The following MSI2 variants were observed in gnomAD, a reference collection of about 807,000 sequenced individuals.
The protein encoded by MSI2 is musashi RNA binding protein 2.
In MSI2, 17 loss-of-function variants were observed where a neutral mutation model predicts 45.6. The observed-to-expected ratio is 0.37, with a 90% CI of 0.26 to 0.56. The LOEUF is 0.56. Ranked by LOEUF, MSI2 falls within the 20% of genes least tolerant of loss-of-function variation. The probability of loss-of-function intolerance (pLI) is 0.77; values close to 1 mark genes in which losing one functional copy is unlikely to be tolerated. For missense variants in MSI2, 293 were observed against 444.2 expected (o/e 0.66, Z 3.06); for synonymous variants, 156 against 158.2 (o/e 0.99, Z 0.11).
intron 5 of MSI2, chr17:57,278,226 T>A (rs1191010883): frequency 1.3e-5 from 2 of 152,348 alleles, no homozygotes; most frequent in African/African-American, 2.4e-5. Flanking sequence ...AAAGAAAACA[T>A]TTGAGCTCCA....
At chr17:57,352,844 G>GCCT (rs1303991669) in intron 5 of MSI2, among the ~76,000 whole-genome samples, 1 of 152,200 alleles carries the variant, frequency 6.6e-6, no homozygotes, top group African/African-American at 2.4e-5. Context: ...GCTCCTCCTA[G>GCCT]CCTCCTCCTC....
Position 57,281,552 on chromosome 17 carries a change from A to G in MSI2, c.312+19360A>G, listed in dbSNP as rs185823555. ...GGGTTCTCGGGGCTAATTCTGTTCC[A>G]GCTCGCTCTGTTTAGCTCTTTCTTC... On this transcript the variant is annotated intron_variant, in intron 5 of 13. Transcript: ENST00000284073. Among the ~76,000 whole-genome samples, 227 of 152,254 alleles carry G rather than the reference A, an allele frequency of 1.5e-3. 2 individuals are homozygous for G. Among genetic ancestry groups the G allele is most frequent in the Admixed American group, 9.5e-3 (146 of 15,298 alleles).
chr17:57,605,510 C>T (rs560704791), intron 8 of MSI2, among the ~76,000 whole-genome samples: 83 of 152,204 alleles, frequency 5.5e-4, no homozygotes, highest in African/African-American at 1.9e-3. Context: ...CCAGCGTCCC[C>T]GTACTCCACC....
chr17:57,450,849 T>G (rs1343564506), intron 6 of MSI2, among the ~76,000 whole-genome samples: 1 of 152,092 alleles, frequency 6.6e-6, no homozygotes, highest in African/African-American at 2.4e-5. Context: ...TAATATAGTC[T>G]TGTTTTCTCA....
At chr17:57,335,735 G>A (rs1471146387) in intron 5 of MSI2, among the ~76,000 whole-genome samples, 2 of 152,168 alleles carry the variant, frequency 1.3e-5, no homozygotes, top group Non-Finnish European at 2.9e-5. Context: ...GGTGAAACGG[G>A]GAGTGTTATT....
At chr17:57,401,930 T>C (rs1465883763) in intron 6 of MSI2, among the ~76,000 whole-genome samples, 1 of 152,122 alleles carries the variant, frequency 6.6e-6, no homozygotes, top group Non-Finnish European at 1.5e-5. Flanking sequence ...CCCTGTCAAA[T>C]GCCCAAGGAG....
At chr17:57,456,902 G>T (rs1192196970) in intron 6 of MSI2, among the ~76,000 whole-genome samples, 1 of 152,146 alleles carries the variant, frequency 6.6e-6, no homozygotes, top group Non-Finnish European at 1.5e-5. Context: ...TGGGAGCAAG[G>T]CGTATTTTCC....
At chr17:57,315,455 C>G (rs1912781581) in intron 5 of MSI2, among the ~76,000 whole-genome samples, 1 of 151,902 alleles carries the variant, frequency 6.6e-6, no homozygotes, top group Admixed American at 6.6e-5. Flanking sequence ...TTGGGGGAGG[C>G]AGGGCAGATA....
At chr17:57,626,743 C>T (rs1271342040) in intron 9 of MSI2, 2 of 161,836 alleles carry the variant, frequency 1.2e-5, no homozygotes, top group Non-Finnish European at 2.7e-5. Context: ...CCAGCGTTTT[C>T]CAGAGGCCCA....
chr17:57,572,326 G>A (rs149168812), intron 7 of MSI2, among the ~76,000 whole-genome samples: 3 of 152,350 alleles, frequency 2.0e-5, no homozygotes, highest in African/African-American at 7.2e-5. Context: ...ATGGTATTTG[G>A]CAGCAGCAAC....
intron 9 of MSI2, among the ~76,000 whole-genome samples, chr17:57,622,371 T>C (rs1055975223): frequency 6.6e-6 from 1 of 152,260 alleles, no homozygotes; most frequent in Non-Finnish European, 1.5e-5. Context: ...ATATATTTTA[T>C]TTCTCTGAGC....
chr17:57,285,871 A>G, intron 5 of MSI2: 2 of 1,519,856 alleles, frequency 1.3e-6, no homozygotes, highest in Non-Finnish European at 1.8e-6. Context: ...TGATTTTCCG[A>G]ACAGGTGTTT....
At chr17:57,388,611 G>A (rs1468479517) in intron 5 of MSI2, among the ~76,000 whole-genome samples, 4 of 152,154 alleles carry the variant, frequency 2.6e-5, no homozygotes, top group African/African-American at 7.2e-5. Flanking sequence ...ACATCTAAGT[G>A]TTAAGATCAC....
chr17:57,298,688 G>A (rs145976147), intron 5 of MSI2, among the ~76,000 whole-genome samples: 4 of 152,168 alleles, frequency 2.6e-5, no homozygotes, highest in Admixed American at 2.6e-4. Flanking sequence ...CTATCATCCA[G>A]GCTTTGTTGT....
intron 6 of MSI2, among the ~76,000 whole-genome samples, chr17:57,467,801 C>T (rs1362638548): frequency 3.9e-5 from 6 of 151,992 alleles, no homozygotes; most frequent in Non-Finnish European, 8.8e-5. Context: ...AGGCCATTCT[C>T]ATAGCACCCT....
the MSI2 span, among the ~76,000 whole-genome samples, chr17:57,694,765 A>G: frequency 6.6e-6 from 1 of 152,168 alleles, no homozygotes; most frequent in East Asian, 1.9e-4. Context: ...TTTTTGGTTT[A>G]ACCAGACTTA....
the MSI2 span, among the ~76,000 whole-genome samples, chr17:57,695,380 A>G: frequency 6.6e-6 from 1 of 152,128 alleles, no homozygotes; most frequent in Non-Finnish European, 1.5e-5. Context: ...ATATTAGCTG[A>G]GAGGTGTAAT....
At chr17:57,414,644 C>G (rs2084260361) in intron 6 of MSI2, among the ~76,000 whole-genome samples, 1 of 152,142 alleles carries the variant, frequency 6.6e-6, no homozygotes, top group Admixed American at 6.6e-5. Flanking sequence ...TGAGCATCTG[C>G]CCGTGTTGGC....
chr17:57,385,137 A>G (rs1199550513), intron 5 of MSI2, among the ~76,000 whole-genome samples: 1 of 152,084 alleles, frequency 6.6e-6, no homozygotes, highest in African/African-American at 2.4e-5. Context: ...TACAGGCTCT[A>G]TTTTCAACCT....
Sources: allele counts gnomAD v4.1 joint callset (sites outside exome capture counted in the v4.1 genomes callset), GRCh38; gene constraint gnomAD v4.1.1; transcripts MANE v1.5; gene names NCBI Gene and HGNC (gene_info 2026-07-23, HGNC 2026-07-21).